The following NUP35 variants were observed in gnomAD, a reference collection of about 807,000 sequenced individuals.
NUP35 encodes nucleoporin 35.
A neutral mutation model predicts 41.5 loss-of-function variants in NUP35; 25 were observed. The observed-to-expected ratio is 0.60, with a 90% CI of 0.44 to 0.84. The LOEUF is 0.84. NUP35 is among the 40% of genes least tolerant of loss of function. NUP35 has a pLI of 0.00. For missense variants in NUP35, 396 were observed against 396.6 expected, an observed-to-expected ratio of 1.00 and a Z score of 0.01; for synonymous variants, 149 against 130.7, an observed-to-expected ratio of 1.14 and a Z score of -0.96.
chr2:183,157,033 AT>A (rs1367544597), intron 5 of NUP35, among the ~76,000 whole-genome samples: 1 of 152,222 alleles, frequency 6.6e-6, no homozygotes. Context: ...TCAATGTATA[AT>A]GATTCGTTTA....
intron 1 of NUP35, among the ~76,000 whole-genome samples, chr2:183,117,913 A>C (rs1334302352): frequency 6.6e-6 from 1 of 152,240 alleles, no homozygotes; most frequent in African/African-American, 2.4e-5. Flanking sequence ...GTTGAAATAT[A>C]GCTCAGAGCT....
chr2:183,131,146 A>C (rs1431895002), intron 3 of NUP35: 1 of 227,342 alleles, frequency 4.4e-6, no homozygotes, highest in Non-Finnish European at 9.8e-6. Flanking sequence ...GGCTAATTGT[A>C]TTTTTTTTTG....
chr2:183,122,774 T>C (rs576511280), upstream of NUP35, among the ~76,000 whole-genome samples: 1 of 152,310 alleles, frequency 6.6e-6, no homozygotes, highest in East Asian at 1.9e-4. Context: ...TGTAGAAATT[T>C]ATACATTGAT....
chr2:183,120,828 A>G (rs1464265720), upstream of NUP35, among the ~76,000 whole-genome samples: 4 of 152,228 alleles, frequency 2.6e-5, no homozygotes, highest in Non-Finnish European at 5.9e-5. Context: ...GAAAAAGACA[A>G]AAGATGAGCT....
At chr2:183,129,050 A>G (rs1684601579) in intron 2 of NUP35, among the ~76,000 whole-genome samples, 1 of 152,138 alleles carries the variant, frequency 6.6e-6, no homozygotes, top group African/African-American at 2.4e-5. Context: ...AGAGTTGATG[A>G]AATACCATCA....
chr2:183,123,687 T>G (rs901986324), upstream of NUP35: 20 of 546,810 alleles, frequency 3.7e-5, no homozygotes, highest in African/African-American at 3.7e-4. Context: ...AATATATTTT[T>G]ACACACACAT....
At chr2:183,126,688 CTAATA>C (rs1048118237) in intron 1 of NUP35, among the ~76,000 whole-genome samples, 6 of 150,572 alleles carry the variant, frequency 4.0e-5, no homozygotes, top group Non-Finnish European at 5.9e-5. Context: ...ATATCTAGGC[CTAATA>C]TAATGGGAAA....
chr2:183,132,534 G>T (rs186860949), intron 3 of NUP35, among the ~76,000 whole-genome samples: 16 of 152,202 alleles, frequency 1.1e-4, no homozygotes, highest in Admixed American at 9.8e-4. Context: ...CTCAGCCTGG[G>T]TGACAGAGTG....
At chr2:183,137,365 G>A (rs1005414269) in intron 4 of NUP35, among the ~76,000 whole-genome samples, 4 of 152,088 alleles carry the variant, frequency 2.6e-5, no homozygotes, top group Non-Finnish European at 5.9e-5. Flanking sequence ...GATCACTTGA[G>A]TCCAGGAGTT....
intron 6 of NUP35, among the ~76,000 whole-genome samples, chr2:183,157,942 A>T (rs1685728742): frequency 6.6e-6 from 1 of 152,148 alleles, no homozygotes; most frequent in South Asian, 2.1e-4. Context: ...TATAAGTAAC[A>T]AATCCTTTTT....
At chr2:183,127,872 A>G (rs1161933003) in intron 1 of NUP35, among the ~76,000 whole-genome samples, 2 of 152,204 alleles carry the variant, frequency 1.3e-5, no homozygotes, top group Non-Finnish European at 2.9e-5. Context: ...CAGGAGCTCC[A>G]GAGCAGTCTG....
intron 4 of NUP35, 83 bp from the exon 5 acceptor site, chr2:183,151,425 T>C (rs1176139356): frequency 1.5e-6 from 2 of 1,347,226 alleles, no homozygotes; most frequent in African/African-American, 2.9e-5. Context: ...TATTAGACTT[T>C]ATCATTTAAA....
chr2:183,158,221 G>A, intron 6 of NUP35, 62 bp from the exon 7 acceptor site: 9 of 1,165,332 alleles, frequency 7.7e-6, no homozygotes, highest in Non-Finnish European at 1.0e-5. Context: ...TTTTCTAGTA[G>A]AATTCATTAG....
chr2:183,144,347 G>A (rs1037217313), intron 4 of NUP35, among the ~76,000 whole-genome samples: 5 of 152,176 alleles, frequency 3.3e-5, no homozygotes, highest in African/African-American at 1.2e-4. Flanking sequence ...AGGTGGTTGA[G>A]TTCAGTCTCC....
chr2:183,129,217 TGGG>T (rs34592491), intron 2 of NUP35, among the ~76,000 whole-genome samples: 3 of 151,948 alleles, frequency 2.0e-5, no homozygotes, highest in South Asian at 2.1e-4. Flanking sequence ...TAAGGAAACT[TGGG>T]GGGGAGGTTT....
Position 183,130,948 on chromosome 2 carries a change from C to A in NUP35, c.339+403C>A. On this transcript the variant is annotated intron_variant, in intron 3 of 8. Transcript: ENST00000295119. Reference sequence around the variant, plus strand: ...TTTCATCTAGATCTAGGGCACTCGTCAGCTGAGAAGTAGTATGGACTTGTC... The same window carrying A: ...TTTCATCTAGATCTAGGGCACTCGTAAGCTGAGAAGTAGTATGGACTTGTC... 1.7e-6 allele frequency: 2 copies of A among 1,166,132 alleles called. 1 individual carries two copies. The highest frequency in any genetic ancestry group is 3.2e-5 in the African/African-American group (2 of 63,062). The allele number at this position is 1,166,132 out of a possible 1,614,324, so 72.2% of individuals were successfully genotyped here. A position where few individuals can be genotyped will look rare whatever the true frequency, so the allele number is the denominator to read the frequency against.
chr2:183,139,835 G>A (rs1436346651), intron 4 of NUP35, among the ~76,000 whole-genome samples: 6 of 152,112 alleles, frequency 3.9e-5, no homozygotes, highest in African/African-American at 9.7e-5. Context: ...TTTGGACTTT[G>A]GGCCTCCATA....
upstream of NUP35, among the ~76,000 whole-genome samples, chr2:183,123,399 A>G (rs187863579): frequency 7.5e-4 from 115 of 152,346 alleles, no homozygotes; most frequent in Non-Finnish European, 1.0e-3. Context: ...GAGGGACACA[A>G]TTCAATTCAC....
At chr2:183,156,826 A>C (rs1009895455) in intron 5 of NUP35, among the ~76,000 whole-genome samples, 1 of 152,152 alleles carries the variant, frequency 6.6e-6, no homozygotes, top group East Asian at 1.9e-4. Flanking sequence ...TAAAAGAATA[A>C]TATGTCATTG....
Sources: gnomAD v4.1 joint callset for allele counts (sites outside exome capture counted in the v4.1 genomes callset) on GRCh38, gnomAD v4.1.1 for gene constraint, MANE v1.5 for transcripts, NCBI Gene and HGNC (gene_info 2026-07-23, HGNC 2026-07-21) for gene names.